Variants in BCAS3 observed in about 807,000 individuals in gnomAD.
BCAS3 encodes the protein BCAS4/BCAS3 fusion.
BCAS3 carries 53 observed loss-of-function variants against 116.1 expected under a neutral mutation model. The ratio of observed to expected loss-of-function variants is 0.46; its 90% CI spans 0.37 to 0.57. The LOEUF is 0.57. Among genes scored for constraint, BCAS3 ranks in the 20% least tolerant of loss-of-function variants. The probability of loss-of-function intolerance (pLI) is 0.00; values close to 1 mark genes in which losing one functional copy is unlikely to be tolerated. For missense variants in BCAS3, 917 were observed against 1,165.4 expected (o/e 0.79, Z 3.10); for synonymous variants, 391 against 408.2 (o/e 0.96, Z 0.51).
intron 12 of BCAS3, 137 bp from the exon 13 acceptor site, chr17:60,924,270 T>C: frequency 1.5e-6 from 1 of 674,630 alleles, no homozygotes; most frequent in Non-Finnish European, 2.6e-6. Context: ...ATTCTCTCCT[T>C]ATATTGGCAA....
At chr17:60,772,321 T>G (rs1000578824) in intron 6 of BCAS3, among the ~76,000 whole-genome samples, 2 of 151,998 alleles carry the variant, frequency 1.3e-5, no homozygotes, top group African/African-American at 4.8e-5. Context: ...GATGAGCATT[T>G]TTTCACGTGT....
At chr17:60,946,582 TG>T (rs775916398) in intron 13 of BCAS3, among the ~76,000 whole-genome samples, 2 of 152,044 alleles carry the variant, frequency 1.3e-5, no homozygotes, top group Non-Finnish European at 2.9e-5. Flanking sequence ...GGGAGTTTCA[TG>T]GGGGGTATGT....
intron 22 of BCAS3, among the ~76,000 whole-genome samples, chr17:61,292,985 G>A (rs755027605): frequency 2.6e-5 from 4 of 152,102 alleles, no homozygotes; most frequent in African/African-American, 4.8e-5. Context: ...GCCAGAAGAA[G>A]GTTATTTATG....
In BCAS3 at chr17:61,139,923, G is replaced by C. The variant is rs1195464309; in HGVS notation, c.2425+55359G>C. Among the ~76,000 whole-genome samples, 2 of 152,114 alleles carry C rather than the reference G, an allele frequency of 1.3e-5. No homozygotes were observed. The highest frequency in any genetic ancestry group is 4.8e-5 in the African/African-American group (2 of 41,436). ...TTTGGCAGGAGAAGATTGAGGAAAG[G>C]GATACCTACTGTCAAGACACAAAGT... On this transcript the variant is annotated intron_variant, in intron 22 of 23. Coordinates refer to ENST00000407086, the MANE Select transcript of BCAS3 (RefSeq NM_017679.5). The surrounding 1 kb of genome is among the most constrained non-coding windows in gnomAD (Gnocchi z 4.7).
In BCAS3 at chr17:61,141,337, C is replaced by T. The variant is rs546559515; in HGVS notation, c.2425+56773C>T. ...TGTTGGGAGGCCAAAGTGGGAGGAC[C>T]GCTTGAGACCAGGAATTTGAGACCA... On this transcript the variant is annotated intron_variant, in intron 22 of 23. Transcript: ENST00000407086. The surrounding 1 kb of genome is among the most constrained non-coding windows in gnomAD (Gnocchi z 4.3). Among the ~76,000 whole-genome samples the T allele has an allele frequency of 9.9e-5, 15 of 152,100 alleles. No homozygotes were observed. The highest frequency in any genetic ancestry group is 7.2e-4 in the Admixed American group (11 of 15,286).
intron 23 of BCAS3, among the ~76,000 whole-genome samples, chr17:61,386,612 C>A (rs1390976669): frequency 6.6e-6 from 1 of 152,140 alleles, no homozygotes; most frequent in Non-Finnish European, 1.5e-5. Context: ...TAAACACAAA[C>A]AGAGCACTGT....
At chr17:61,078,021 G>A (rs1441912950) in intron 20 of BCAS3, among the ~76,000 whole-genome samples, 2 of 152,178 alleles carry the variant, frequency 1.3e-5, no homozygotes, top group East Asian at 1.9e-4. Flanking sequence ...TATGAGGCAA[G>A]CAACTGGTCC....
chr17:61,184,427 T>G (rs191366105), intron 22 of BCAS3, among the ~76,000 whole-genome samples: 60 of 152,248 alleles, frequency 3.9e-4, no homozygotes, highest in Admixed American at 3.2e-3. Context: ...CTAGAATGGC[T>G]GAAATTAAAA....
intron 22 of BCAS3, among the ~76,000 whole-genome samples, chr17:61,263,765 A>G (rs942967743): frequency 3.9e-5 from 6 of 152,234 alleles, no homozygotes; most frequent in African/African-American, 1.4e-4. Flanking sequence ...GCAGAATGGT[A>G]TTGTTTCAGA....
At chr17:60,819,954 T>C (rs2049783152) in intron 7 of BCAS3, among the ~76,000 whole-genome samples, 1 of 151,900 alleles carries the variant, frequency 6.6e-6, no homozygotes, top group Non-Finnish European at 1.5e-5. Context: ...CAAGAGGAGA[T>C]AACCCTTAGT....
chr17:61,034,607 C>T lies in BCAS3; in HGVS notation c.1638-59C>T. 1 of 1,477,756 alleles carries T rather than the reference C, an allele frequency of 6.8e-7. No homozygotes were observed. The highest frequency in any genetic ancestry group is 1.2e-5 in the South Asian group (1 of 80,678). 91.5% of individuals were successfully genotyped at this position (1,477,756 alleles called of 1,614,324 possible). ...GAATTTAAAGGAAAAACTGTCATTACCTAAAGGAGTATCATTTCATCATGA... is the reference window on the plus strand; with the variant it reads ...GAATTTAAAGGAAAAACTGTCATTATCTAAAGGAGTATCATTTCATCATGA... On this transcript the variant is annotated intron_variant, in intron 16 of 23. Coordinates refer to ENST00000407086, the MANE Select transcript of BCAS3 (RefSeq NM_017679.5). This position sits in a 1 kb window ranked among gnomAD's most constrained non-coding sequence, Gnocchi z 5.0.
intron 10 of BCAS3, among the ~76,000 whole-genome samples, chr17:60,898,302 T>C (rs990193424): frequency 6.6e-6 from 1 of 152,218 alleles, no homozygotes; most frequent in Non-Finnish European, 1.5e-5. Context: ...TACATTGATA[T>C]TTGCACATCA....
chr17:60,955,116 A>G (rs2061050636), intron 14 of BCAS3, among the ~76,000 whole-genome samples: 1 of 152,130 alleles, frequency 6.6e-6, no homozygotes, highest in South Asian at 2.1e-4. Context: ...TTAAAAATAA[A>G]TTGTACCTCA....
intron 1 of BCAS3, among the ~76,000 whole-genome samples, chr17:60,679,235 A>G (rs1341789328): frequency 6.6e-6 from 1 of 152,146 alleles, no homozygotes; most frequent in Admixed American, 6.6e-5. Context: ...AAAAATAATA[A>G]TAACCCCCCA....
intron 13 of BCAS3, among the ~76,000 whole-genome samples, chr17:60,930,495 T>G (rs2059587770): frequency 6.6e-6 from 1 of 152,178 alleles, no homozygotes; most frequent in South Asian, 2.1e-4. Context: ...CTTGCTCTGT[T>G]GCCCAGGCTG....
Position 61,365,690 on chromosome 17 carries a change from G to A in BCAS3, c.2426-2637G>A, listed in dbSNP as rs1461555591. Among the ~76,000 whole-genome samples, 1 of 151,926 alleles carries A rather than the reference G, an allele frequency of 6.6e-6. No individual in the cohort carries two copies. Among genetic ancestry groups the A allele is most frequent in the African/African-American group, 2.4e-5 (1 of 41,310 alleles). On this transcript the variant is annotated intron_variant, in intron 22 of 23. Coordinates refer to ENST00000407086, the MANE Select transcript of BCAS3 (RefSeq NM_017679.5). This position sits in a 1 kb window ranked among gnomAD's most constrained non-coding sequence, Gnocchi z 4.6. ...GGCTTTTGATATTCCTCTTGGTCCCGCTGTCACCCCACCTGCCTTGACCTC... is the reference window on the plus strand; with the variant it reads ...GGCTTTTGATATTCCTCTTGGTCCCACTGTCACCCCACCTGCCTTGACCTC...
chr17:60,989,070 C>A (rs2063357988), intron 14 of BCAS3, among the ~76,000 whole-genome samples: 1 of 151,748 alleles, frequency 6.6e-6, no homozygotes, highest in Admixed American at 6.6e-5. Context: ...TATATATTTT[C>A]ATGTTAAGTT....
At position 61,267,535 on chromosome 17, in the gene BCAS3, C is replaced by A. The variant is rs566231811; in HGVS notation, c.2426-100792C>A. Among the ~76,000 whole-genome samples, 4 of 150,972 alleles carry A rather than the reference C, an allele frequency of 2.6e-5. No individual in the cohort carries two copies. In the South Asian group the frequency reaches 8.4e-4, roughly 32 times the overall value. On this transcript the variant is annotated intron_variant, in intron 22 of 23. Transcript: ENST00000407086. The stretch of plus-strand genomic sequence containing the variant: ...GGCGGATTGCTTGAGATCAGGAGTT[C>A]GAGACCAGCCTGGCCAACTTGGTGA...
chr17:60,993,755 G>A lies in BCAS3; in HGVS notation c.1486+3520G>A, dbSNP rs533851225. On this transcript the variant is annotated intron_variant, in intron 15 of 23. Coordinates refer to ENST00000407086, the MANE Select transcript of BCAS3 (RefSeq NM_017679.5). This position sits in a 1 kb window ranked among gnomAD's most constrained non-coding sequence, Gnocchi z 4.2. Reference sequence around the variant, plus strand: ...TGAATCATGTTTTGGCGGTATTACCGTTGTTTGTCTGTGCTCTTTTTAGCC... The same window carrying A: ...TGAATCATGTTTTGGCGGTATTACCATTGTTTGTCTGTGCTCTTTTTAGCC... Among the ~76,000 whole-genome samples, 4 of 152,230 alleles carry A rather than the reference G, an allele frequency of 2.6e-5. No individual in the cohort carries two copies. Among genetic ancestry groups the A allele is most frequent in the East Asian group, 3.9e-4 (2 of 5,176 alleles).
Sources: allele counts gnomAD v4.1 joint callset (sites outside exome capture counted in the v4.1 genomes callset), GRCh38; gene constraint gnomAD v4.1.1; non-coding constraint Gnocchi (gnomAD v3.1); transcripts MANE v1.5; gene names NCBI Gene and HGNC (gene_info 2026-07-23, HGNC 2026-07-21).